Variants in SLC25A17 observed in about 807,000 individuals in gnomAD.
SLC25A17 encodes the protein peroxisomal membrane protein PMP34.
Under a neutral mutation model 38.5 loss-of-function variants are expected in SLC25A17, and 26 were observed. The observed-to-expected ratio is 0.68, with a 90% CI of 0.50 to 0.94. The LOEUF (loss-of-function observed/expected upper bound fraction) is 0.94. Ranked by LOEUF, SLC25A17 falls within the 40% of genes least tolerant of loss-of-function variation. The pLI is 0.00. For synonymous variants in SLC25A17, 139 were observed against 136.2 expected, an observed-to-expected ratio of 1.02 and a Z score of -0.14; for missense variants, 333 against 372.7, an observed-to-expected ratio of 0.89 and a Z score of 0.88.
At chr22:40,784,097 CTTG>C (rs2057317009) in intron 4 of SLC25A17, among the ~76,000 whole-genome samples, 1 of 152,032 alleles carries the variant, frequency 6.6e-6, no homozygotes. Flanking sequence ...ATGTATTTTC[CTTG>C]TTTATTGTCT....
At chr22:40,790,228 C>T (rs2057373411) in intron 4 of SLC25A17, among the ~76,000 whole-genome samples, 1 of 150,390 alleles carries the variant, frequency 6.6e-6, no homozygotes, top group South Asian at 2.1e-4. Context: ...GTAATCCCAG[C>T]TACTCAGGTG....
At chr22:40,792,750 G>A (rs1469713104) in intron 3 of SLC25A17, 74 bp from the exon 4 acceptor site, 2 of 1,508,928 alleles carry the variant, frequency 1.3e-6, no homozygotes, top group African/African-American at 2.8e-5. Flanking sequence ...CCTAGGAAAG[G>A]CTGACCATCA....
chr22:40,792,588 C>A lies in SLC25A17; in HGVS notation c.271G>T (p.Ala91Ser). The part of the protein sequence containing the change: ...VYFYTFNSLK[A>S]LWVKGQHSTT... ...GAATGTTGACCTTTGACCCAGAGTG[C>A]TTTGAGGCTATTAAAAGTGTAGAAA... The change falls in exon 4 of 9, where the codon GCA (alanine) becomes TCA (serine). Residue 91 changes from alanine to serine, a missense_variant. Transcript: ENST00000435456. 6.2e-7 allele frequency: 1 copy of A among 1,614,012 alleles called. No homozygotes were observed. Among genetic ancestry groups the A allele is most frequent in the South Asian group, 1.1e-5 (1 of 91,062 alleles).
chr22:40,809,273 C>T (rs2057556638), intron 1 of SLC25A17, among the ~76,000 whole-genome samples: 1 of 151,918 alleles, frequency 6.6e-6, no homozygotes, highest in South Asian at 2.1e-4. Context: ...AGGAAGACTG[C>T]TTGAGGCCAA....
intron 1 of SLC25A17, chr22:40,817,166 C>A (rs564229818): frequency 1.3e-5 from 2 of 152,346 alleles, no homozygotes; most frequent in East Asian, 3.9e-4. Flanking sequence ...CTGGATTTAT[C>A]AACATGATAA....
chr22:40,814,820 TTGG>T (rs2057621869), intron 1 of SLC25A17, among the ~76,000 whole-genome samples: 1 of 149,526 alleles, frequency 6.7e-6, no homozygotes, highest in South Asian at 2.1e-4. Flanking sequence ...TTGTTTTGTT[TTGG>T]TTTTTTTTGT....
At chr22:40,797,723 C>T (rs1035837342) in intron 2 of SLC25A17, among the ~76,000 whole-genome samples, 1 of 152,114 alleles carries the variant, frequency 6.6e-6, no homozygotes, top group Non-Finnish European at 1.5e-5. Context: ...CAATGATGAC[C>T]AGTATTTAAA....
intron 1 of SLC25A17, among the ~76,000 whole-genome samples, chr22:40,816,869 C>T (rs929409942): frequency 6.6e-6 from 1 of 152,160 alleles, no homozygotes; most frequent in African/African-American, 2.4e-5. Flanking sequence ...CCTCAGCCTC[C>T]CAAAGTGCTG....
intron 7 of SLC25A17, among the ~76,000 whole-genome samples, chr22:40,775,414 A>G (rs2057230730): frequency 1.4e-5 from 2 of 142,678 alleles, no homozygotes; most frequent in Non-Finnish European, 3.0e-5. Context: ...GTGGTAGTGA[A>G]TAAGTCTCAT....
At chr22:40,802,044 G>A (rs574511181) in intron 1 of SLC25A17, among the ~76,000 whole-genome samples, 1 of 151,900 alleles carries the variant, frequency 6.6e-6, no homozygotes, top group African/African-American at 2.4e-5. Context: ...CACCCGCCTC[G>A]GCCTCCCAAA....
intron 4 of SLC25A17, chr22:40,780,069 GA>G (rs1333897987): frequency 6.6e-6 from 1 of 152,064 alleles, no homozygotes; most frequent in African/African-American, 2.4e-5. Context: ...AGAACCAAGA[GA>G]AAAAATCCTA....
At chr22:40,790,631 C>T (rs564863866) in intron 4 of SLC25A17, among the ~76,000 whole-genome samples, 11 of 152,192 alleles carry the variant, frequency 7.2e-5, no homozygotes, top group African/African-American at 2.6e-4. Context: ...ATGAACAGGA[C>T]AGAGAGAGTA....
intron 1 of SLC25A17, among the ~76,000 whole-genome samples, chr22:40,801,720 A>T (rs993776749): frequency 3.3e-5 from 5 of 152,212 alleles, no homozygotes; most frequent in African/African-American, 1.2e-4. Flanking sequence ...TGGGAGCTGG[A>T]AAGTTAGAGA....
intron 1 of SLC25A17, among the ~76,000 whole-genome samples, chr22:40,800,398 T>C (rs1160030088): frequency 1.3e-5 from 2 of 152,138 alleles, no homozygotes; most frequent in Non-Finnish European, 2.9e-5. Flanking sequence ...ATTAACTAAT[T>C]AATTAGTTAA....
chr22:40,776,389 T>C, intron 7 of SLC25A17: 1 of 426,526 alleles, frequency 2.3e-6, no homozygotes, highest in Non-Finnish European at 4.8e-6. Flanking sequence ...ACTAAAGGAA[T>C]TAACCTCTGA....
chr22:40,798,896 T>C, intron 2 of SLC25A17, 127 bp downstream of exon 2: 1 of 623,324 alleles, frequency 1.6e-6, no homozygotes, highest in Non-Finnish European at 2.8e-6. Context: ...TGAGCCGAGA[T>C]CATGCCATCG....
chr22:40,770,803 G>T lies in SLC25A17; in HGVS notation c.*31C>A. The T allele has an allele frequency of 6.3e-7, 1 of 1,578,952 alleles. No homozygotes were observed. On this transcript the variant is annotated 3_prime_UTR_variant, in exon 9 of 9. Transcript: ENST00000435456. ...ACTCAGGAGGAAACCTCCCTCTTGA[G>T]CATCTTCGGAATTTTTCATGGGAAG...
chr22:40,784,784 C>CAAAAAAAAAAAAAAAAAAAAA (rs71200616), intron 4 of SLC25A17, among the ~76,000 whole-genome samples: 1 of 96,370 alleles, frequency 1.0e-5, no homozygotes, highest in Non-Finnish European at 1.9e-5. Flanking sequence ...TCAACAACAA[C>CAAAAAAAAAAAAAAAAAAAAA]AAAAAAAAAA....
At chr22:40,791,700 C>T (rs1188737453) in intron 4 of SLC25A17, among the ~76,000 whole-genome samples, 1 of 152,134 alleles carries the variant, frequency 6.6e-6, no homozygotes, top group Non-Finnish European at 1.5e-5. Flanking sequence ...GAGATATCAC[C>T]TCATACCCAT....
Sources: gnomAD v4.1 joint callset for allele counts (sites outside exome capture counted in the v4.1 genomes callset) on GRCh38, gnomAD v4.1.1 for gene constraint, MANE v1.5 for transcripts, NCBI Gene and HGNC (gene_info 2026-07-23, HGNC 2026-07-21) for gene names.